The following SLC2A9 variants were observed in gnomAD, a reference collection of about 807,000 sequenced individuals.
SLC2A9 encodes the protein solute carrier family 2, facilitated glucose transporter member 9.
SLC2A9 carries 39 observed loss-of-function variants against 50.6 expected under a neutral mutation model. The observed-to-expected ratio is 0.77, with a 90% CI of 0.60 to 1.01. The LOEUF (loss-of-function observed/expected upper bound fraction) is 1.01, where lower values mean the gene tolerates loss of function less well. Ranked by LOEUF, SLC2A9 falls within the 50% of genes least tolerant of loss-of-function variation. SLC2A9 has a pLI of 0.00. For missense variants in SLC2A9, 686 were observed against 677.6 expected (o/e 1.01, Z -0.14); for synonymous variants, 324 against 276.9 (o/e 1.17, Z -1.69).
At chr4:9,999,122 A>C (rs1349910151) in intron 2 of SLC2A9, among the ~76,000 whole-genome samples, 5 of 148,132 alleles carry the variant, frequency 3.4e-5, no homozygotes, top group Non-Finnish European at 7.4e-5. Flanking sequence ...ATCACAGCTC[A>C]CTGCAGATTT....
At chr4:9,880,341 G>C (rs908096774) in intron 10 of SLC2A9, 34 of 985,502 alleles carry the variant, frequency 3.5e-5, no homozygotes, top group Non-Finnish European at 3.7e-5. Context: ...GATGGATTGA[G>C]GAAGCGGAGG....
At chr4:9,814,005 T>C (rs969844676) in intron 3 of SLC2A9, among the ~76,000 whole-genome samples, 4 of 152,160 alleles carry the variant, frequency 2.6e-5, no homozygotes, top group African/African-American at 9.7e-5. Flanking sequence ...CCAGGCGTGG[T>C]GGCACATGCC....
chr4:9,879,080 C>T (rs751935254), intron 10 of SLC2A9: 2 of 981,952 alleles, frequency 2.0e-6, no homozygotes, highest in Non-Finnish European at 2.4e-6. Context: ...TGTTTGGATA[C>T]AGGTGATAGA....
chr4:9,824,793 A>G (rs1421129681), downstream of SLC2A9, among the ~76,000 whole-genome samples: 1 of 152,198 alleles, frequency 6.6e-6, no homozygotes, highest in Admixed American at 6.5e-5. Flanking sequence ...CCAAAAAGCT[A>G]AGACTTTTAT....
chr4:9,839,840 A>T (rs140615980), intron 10 of SLC2A9, among the ~76,000 whole-genome samples: 80 of 152,196 alleles, frequency 5.3e-4, no homozygotes, highest in African/African-American at 1.7e-3. Context: ...GTGGGAAAAC[A>T]GAGAGGATCA....
chr4:9,811,782 G>A (rs1429536914), intron 3 of SLC2A9, among the ~76,000 whole-genome samples: 2 of 152,146 alleles, frequency 1.3e-5, no homozygotes, highest in African/African-American at 4.8e-5. Flanking sequence ...GATACATTGG[G>A]AGGGAGAAGT....
At chr4:9,998,788 T>C (rs79113604) in intron 2 of SLC2A9, among the ~76,000 whole-genome samples, 1 of 152,038 alleles carries the variant, frequency 6.6e-6, no homozygotes, top group Non-Finnish European at 1.5e-5. Context: ...AATTGCAGAA[T>C]CATCATCATA....
chr4:9,901,243 T>C (rs1384109659), intron 8 of SLC2A9, among the ~76,000 whole-genome samples: 1 of 152,072 alleles, frequency 6.6e-6, no homozygotes, highest in Non-Finnish European at 1.5e-5. Context: ...ATTTGTTAAA[T>C]AAACTGGGGA....
chr4:9,813,133 T>C (rs1006433712), intron 3 of SLC2A9, among the ~76,000 whole-genome samples: 1 of 152,174 alleles, frequency 6.6e-6, no homozygotes, highest in African/African-American at 2.4e-5. Context: ...AGTATCAGAA[T>C]TGAGTTTTTT....
intron 10 of SLC2A9, among the ~76,000 whole-genome samples, chr4:9,870,561 C>T (rs1733254305): frequency 6.6e-6 from 1 of 152,206 alleles, no homozygotes; most frequent in African/African-American, 2.4e-5. Context: ...GAGAGGTTTT[C>T]TGGAGGGTTT....
chr4:10,008,321 C>T (rs1761150627), intron 2 of SLC2A9, among the ~76,000 whole-genome samples: 1 of 152,044 alleles, frequency 6.6e-6, no homozygotes, highest in South Asian at 2.1e-4. Context: ...CAGCCTGGGA[C>T]ACCTGGACAC....
intron 1 of SLC2A9, among the ~76,000 whole-genome samples, chr4:10,030,231 A>T (rs1380613653): frequency 6.6e-6 from 1 of 152,198 alleles, no homozygotes; most frequent in Non-Finnish European, 1.5e-5. Context: ...TTACCACAGA[A>T]AACTGGTAAG....
At chr4:9,892,686 T>G (rs954953166) in intron 8 of SLC2A9, among the ~76,000 whole-genome samples, 3 of 152,200 alleles carry the variant, frequency 2.0e-5, no homozygotes, top group African/African-American at 7.2e-5. Flanking sequence ...AATAGACTCA[T>G]GAACAAAAGA....
rs539574344 is a variant in SLC2A9, at chr4:9,866,581, C to T, written c.1291+20986G>A. Among the ~76,000 whole-genome samples, 4 of 152,240 alleles carry T rather than the reference C, an allele frequency of 2.6e-5. No homozygotes were observed. The East Asian group carries it at 5.8e-4, about 22-fold the overall frequency. ...GTATTCACGCTCATGTCAGTGACAA[C>T]CCGAGAACTGGGGAAGGAAGATGGG... On this transcript the variant is annotated intron_variant, in intron 10 of 11. Transcript: ENST00000264784.
intron 10 of SLC2A9, among the ~76,000 whole-genome samples, chr4:9,836,740 C>T (rs1178104523): frequency 1.3e-5 from 2 of 152,196 alleles, no homozygotes; most frequent in Non-Finnish European, 1.5e-5. Flanking sequence ...GAGGTCACTG[C>T]TCTTTGGAGA....
chr4:9,798,148 G>T (rs1439634462), downstream of SLC2A9, among the ~76,000 whole-genome samples: 3 of 152,172 alleles, frequency 2.0e-5, no homozygotes, highest in Non-Finnish European at 4.4e-5. Context: ...TGATCCAAGG[G>T]TTATAGGCAC....
At chr4:9,855,872 T>C (rs1269564005) in intron 10 of SLC2A9, among the ~76,000 whole-genome samples, 1 of 152,204 alleles carries the variant, frequency 6.6e-6, no homozygotes. Flanking sequence ...AAGGACTTCC[T>C]GTGCAATAAA....
chr4:9,807,397 C>A (rs1026591512), intron 3 of SLC2A9, among the ~76,000 whole-genome samples: 2 of 152,192 alleles, frequency 1.3e-5, no homozygotes, highest in African/African-American at 2.4e-5. Context: ...GAAGCTACCC[C>A]CTGATCTCCC....
At chr4:10,011,826 G>A (rs897696145) in intron 2 of SLC2A9, among the ~76,000 whole-genome samples, 2 of 152,202 alleles carry the variant, frequency 1.3e-5, no homozygotes, top group African/African-American at 2.4e-5. Context: ...AGATTTAGGT[G>A]CTCCTATTTA....
Sources: allele counts gnomAD v4.1 joint callset (sites outside exome capture counted in the v4.1 genomes callset), GRCh38; gene constraint gnomAD v4.1.1; transcripts MANE v1.5; gene names NCBI Gene and HGNC (gene_info 2026-07-23, HGNC 2026-07-21).